The following PCGF3 variants were observed in gnomAD, a reference collection of about 807,000 sequenced individuals.
PCGF3 encodes polycomb group RING finger protein 3.
PCGF3 carries 7 observed loss-of-function variants against 33.1 expected under a neutral mutation model. That is an observed-to-expected ratio of 0.21 (90% confidence interval 0.12 to 0.40). The LOEUF (loss-of-function observed/expected upper bound fraction) is 0.40, where lower values mean the gene tolerates loss of function less well. Among genes scored for constraint, PCGF3 ranks in the 10% least tolerant of loss-of-function variants. The pLI is 1.00. For synonymous variants in PCGF3, 153 were observed against 121.3 expected (o/e 1.26, Z -1.72); for missense variants, 211 against 313.3 (o/e 0.67, Z 2.46).
rs571281400 is a variant in PCGF3 at position 751,142 on chromosome 4, TC to T, written c.462+6455del. Among the ~76,000 whole-genome samples, 417 of 152,262 alleles carry T rather than the reference TC, an allele frequency of 2.7e-3. 2 individuals are homozygous for T. Among genetic ancestry groups the T allele is most frequent in the African/African-American group, 9.4e-3 (392 of 41,518 alleles). ...TGGGAATTTTGCATTCTCTTTCTGT[TC>T]TTCTTGTGGCTGCCCTTAAACTTGG... On this transcript the variant is annotated intron_variant, in intron 8 of 10. Coordinates refer to ENST00000362003, the Ensembl canonical transcript of PCGF3.
rs559094790 is a variant in PCGF3 at position 761,644 on chromosome 4, G to A, written c.600+228G>A. 7 of 984,260 alleles carry A rather than the reference G, an allele frequency of 7.1e-6. No individual in the cohort carries two copies. In the African/African-American group the frequency reaches 8.7e-5, roughly 12 times the overall value. The allele number at this position is 984,260 out of a possible 1,614,324, so 61.0% of individuals were successfully genotyped here. A position where few individuals can be genotyped will look rare whatever the true frequency, so the allele number is the denominator to read the frequency against. ...GGAATGCTACTGTGAGTGGAAGAGA[G>A]AACTAGGGCGGGGATGATGAGACTG... On this transcript the variant is annotated intron_variant, in intron 9 of 10. Transcript: ENST00000362003.
chr4:737,527 T>C lies in PCGF3; in HGVS notation c.262+6T>C. ...GGTACCAGGCCTCCAAGAAGGTGAG[T>C]GTCTGACTGTCTTGCTGATCCCTGA... On this transcript the variant is annotated splice_donor_region_variant and intron_variant, in intron 6 of 10. Coordinates refer to ENST00000362003, the Ensembl canonical transcript of PCGF3. 2.6e-6 allele frequency: 4 copies of C among 1,552,458 alleles called. No homozygotes were observed. Among genetic ancestry groups the C allele is most frequent in the Non-Finnish European group, 3.6e-6 (4 of 1,124,048 alleles).
At chr4:753,935 C>T (rs1174986369) in intron 8 of PCGF3, among the ~76,000 whole-genome samples, 2 of 152,200 alleles carry the variant, frequency 1.3e-5, no homozygotes, top group Non-Finnish European at 2.9e-5. Context: ...CTCTGACCTT[C>T]TACGAACCCT....
At chr4:719,136 G>A (rs892205089) in intron 1 of PCGF3, among the ~76,000 whole-genome samples, 21 of 152,004 alleles carry the variant, frequency 1.4e-4, no homozygotes, top group African/African-American at 4.8e-4. Context: ...TGTATTTTTA[G>A]TAGAGACGGT....
intron 5 of PCGF3, among the ~76,000 whole-genome samples, chr4:736,439 A>T (rs1743823501): frequency 6.6e-6 from 1 of 152,246 alleles, no homozygotes; most frequent in African/African-American, 2.4e-5. Context: ...CCCAGGAAGC[A>T]CTTGGTGGGA....
intron 1 of PCGF3, among the ~76,000 whole-genome samples, chr4:714,104 G>A (rs1049979998): frequency 1.3e-5 from 2 of 152,102 alleles, no homozygotes; most frequent in Admixed American, 6.6e-5. Flanking sequence ...CAGGACCAGC[G>A]CCCTTTCTGT....
At chr4:735,083 C>CT in intron 5 of PCGF3, 56 bp downstream of exon 5, 1 of 1,563,494 alleles carries the variant, frequency 6.4e-7, no homozygotes, top group Non-Finnish European at 8.7e-7. Flanking sequence ...CTGGGCGTCT[C>CT]TGTGTGTGGG....
chr4:722,847 TCGCGACA>T (rs1743162417), intron 1 of PCGF3, among the ~76,000 whole-genome samples: 1 of 67,812 alleles, frequency 1.5e-5, no homozygotes, highest in Non-Finnish European at 2.7e-5. Context: ...GGGTCCACAC[TCGCGACA>T]TCGCCATCCA....
intron 9 of PCGF3, chr4:764,402 G>C (rs948055234): frequency 6.6e-6 from 1 of 152,522 alleles, no homozygotes; most frequent in Non-Finnish European, 1.5e-5. Context: ...GCCCCTGGAG[G>C]CTGCAGCCGT....
At chr4:739,475 AG>A (rs1743989990) in intron 6 of PCGF3, among the ~76,000 whole-genome samples, 2 of 152,186 alleles carry the variant, frequency 1.3e-5, no homozygotes, top group African/African-American at 4.8e-5. Flanking sequence ...TACAGGTGTG[AG>A]CCCCCACACC....
intron 1 of PCGF3, among the ~76,000 whole-genome samples, chr4:712,833 TG>T (rs1437970657): frequency 1.3e-5 from 2 of 152,282 alleles, no homozygotes; most frequent in Non-Finnish European, 2.9e-5. Context: ...TGATATTTGC[TG>T]GGCTTTGCTA....
At chr4:707,002 C>G (rs1214066627) in intron 1 of PCGF3, among the ~76,000 whole-genome samples, 2 of 122,412 alleles carry the variant, frequency 1.6e-5, no homozygotes, top group African/African-American at 3.1e-5. Context: ...GGGAAGGTCG[C>G]GACCCCAGCC....
chr4:755,560 A>T, intron 8 of PCGF3, among the ~76,000 whole-genome samples: 1 of 152,238 alleles, frequency 6.6e-6, no homozygotes, highest in East Asian at 1.9e-4. Context: ...AATTAAATGT[A>T]TCGGTATTTT....
chr4:728,133 C>T (rs563151152), intron 1 of PCGF3, among the ~76,000 whole-genome samples: 10 of 152,342 alleles, frequency 6.6e-5, no homozygotes, highest in African/African-American at 1.4e-4. Flanking sequence ...CGTGCTCGGA[C>T]GTCACCTGCT....
At chr4:761,826 C>A in intron 9 of PCGF3, 1 of 985,374 alleles carries the variant, frequency 1.0e-6, no homozygotes, top group Non-Finnish European at 1.2e-6. Flanking sequence ...TGGCAGCGGG[C>A]GCACCATGAA....
chr4:761,600 G>C (rs552620133), intron 9 of PCGF3, 184 bp downstream of exon 9: 1 of 943,596 alleles, frequency 1.1e-6, no homozygotes, highest in Admixed American at 6.2e-5. Context: ...GTTGTAGGAT[G>C]CCCAGAGACA....
chr4:738,523 A>G (rs1038176389), intron 6 of PCGF3, among the ~76,000 whole-genome samples: 8 of 148,338 alleles, frequency 5.4e-5, no homozygotes, highest in Admixed American at 2.7e-4. Context: ...CGGGACCCCA[A>G]GTTTTGTGAC....
chr4:744,143 G>A (rs201258971), intron 7 of PCGF3, among the ~76,000 whole-genome samples: 3 of 152,346 alleles, frequency 2.0e-5, no homozygotes, highest in South Asian at 2.1e-4. Flanking sequence ...GCCATGAGGC[G>A]TGGTTAGGAA....
At chr4:725,815 C>T (rs947906849) in intron 1 of PCGF3, among the ~76,000 whole-genome samples, 3 of 152,158 alleles carry the variant, frequency 2.0e-5, no homozygotes, top group Non-Finnish European at 4.4e-5. Flanking sequence ...CCAGCCTCAG[C>T]GCTCGTCCCC....
Sources: gnomAD v4.1 joint callset for allele counts (sites outside exome capture counted in the v4.1 genomes callset) on GRCh38, gnomAD v4.1.1 for gene constraint, MANE v1.5 for transcripts, NCBI Gene and HGNC (gene_info 2026-07-23, HGNC 2026-07-21) for gene names.